IGSF11: variants seen among roughly 807,000 people sequenced by gnomAD.
IGSF11 encodes the protein CXADR like 1.
A neutral mutation model predicts 41.0 loss-of-function variants in IGSF11; 22 were observed. The ratio of observed to expected loss-of-function variants is 0.54; its 90% CI spans 0.38 to 0.77. The LOEUF (loss-of-function observed/expected upper bound fraction) is 0.77. IGSF11 is among the 30% of genes least tolerant of loss of function. The pLI, the probability that IGSF11 is intolerant of heterozygous loss-of-function variation, is 0.00. For synonymous variants in IGSF11, 219 were observed against 201.3 expected, an observed-to-expected ratio of 1.09 and a Z score of -0.74; for missense variants, 444 against 530.8, an observed-to-expected ratio of 0.84 and a Z score of 1.61.
chr3:119,120,476 A>G (rs369674208), intron 1 of IGSF11, among the ~76,000 whole-genome samples: 3 of 152,324 alleles, frequency 2.0e-5, no homozygotes, highest in African/African-American at 7.2e-5. Context: ...GAGAGAAAAA[A>G]GGTTTCCTCA....
intron 1 of IGSF11, among the ~76,000 whole-genome samples, chr3:119,047,651 T>G (rs12485541): frequency 0.011 from 1,735 of 151,930 alleles, 28 homozygotes; most frequent in East Asian, 0.073. Context: ...GAGGACGTAA[T>G]AGACATCTAC....
intron 1 of IGSF11, among the ~76,000 whole-genome samples, chr3:119,084,614 G>T (rs1293074263): frequency 6.6e-6 from 1 of 152,182 alleles, no homozygotes; most frequent in Admixed American, 6.5e-5. Flanking sequence ...TTCTACATGG[G>T]ACTGGGGCAC....
intron 1 of IGSF11, among the ~76,000 whole-genome samples, chr3:118,977,664 G>T (rs780124118): frequency 1.3e-5 from 2 of 152,130 alleles, no homozygotes; most frequent in Non-Finnish European, 2.9e-5. Flanking sequence ...ACGGGTGAGA[G>T]ACCCCAGTGG....
rs1030671469 is a variant in IGSF11 at position 118,901,493 on chromosome 3, G to A, written c.*1027C>T. On this transcript the variant is annotated 3_prime_UTR_variant, in exon 7 of 7. Transcript: ENST00000393775. ...CTTCTACTTGTCAAATAAGGAGAAA[G>A]TTACATACCTCAGTACAAAAGGCAT... The A allele has an allele frequency of 3.3e-5, 5 of 152,138 alleles. No homozygotes were observed. The highest frequency in any genetic ancestry group is 1.2e-4 in the African/African-American group (5 of 41,418). 9.4% of individuals were successfully genotyped at this position (152,138 alleles called of 1,614,324 possible). A position where few individuals can be genotyped will look rare whatever the true frequency, so the allele number is the denominator to read the frequency against.
At chr3:119,041,174 A>G (rs940297839) in intron 1 of IGSF11, among the ~76,000 whole-genome samples, 1 of 152,262 alleles carries the variant, frequency 6.6e-6, no homozygotes, top group Admixed American at 6.5e-5. Flanking sequence ...TTTAACAAAT[A>G]TATAATACAG....
chr3:119,076,458 A>G (rs1161577495), intron 1 of IGSF11, among the ~76,000 whole-genome samples: 3 of 152,236 alleles, frequency 2.0e-5, no homozygotes, highest in African/African-American at 7.2e-5. Flanking sequence ...AGAAACTACC[A>G]TCAGAGTGAA....
chr3:118,984,498 G>T, intron 1 of IGSF11, among the ~76,000 whole-genome samples: 1 of 152,144 alleles, frequency 6.6e-6, no homozygotes, highest in Non-Finnish European at 1.5e-5. Flanking sequence ...AGGGTATAGT[G>T]ATTGGATCTG....
chr3:118,910,599 T>C (rs1244027357), intron 4 of IGSF11, among the ~76,000 whole-genome samples: 1 of 152,192 alleles, frequency 6.6e-6, no homozygotes, highest in Non-Finnish European at 1.5e-5. Flanking sequence ...GGTGATCTCT[T>C]GTTTATAAAT....
At chr3:119,046,326 C>G (rs1941351267) in intron 1 of IGSF11, among the ~76,000 whole-genome samples, 1 of 151,824 alleles carries the variant, frequency 6.6e-6, no homozygotes. Flanking sequence ...AAAACCAAGG[C>G]TCGAGAACTA....
At chr3:119,103,759 C>A (rs2107508628) in intron 1 of IGSF11, among the ~76,000 whole-genome samples, 1 of 152,200 alleles carries the variant, frequency 6.6e-6, no homozygotes, top group Admixed American at 6.5e-5. Context: ...TCATTCCTAC[C>A]AATCCTGCTT....
At position 118,926,267 on chromosome 3, in the gene IGSF11, A is replaced by C. The variant is rs1206142202; in HGVS notation, c.425-11T>G. On this transcript the variant is annotated splice_polypyrimidine_tract_variant and intron_variant, in intron 3 of 6. Coordinates refer to ENST00000393775, the MANE Select transcript of IGSF11 (RefSeq NM_001015887.3). ...GGGCAGAAGGGGGAACTATAACAGG[A>C]AGAATAAGCAATAAAGTACACATTT... is the stretch of plus-strand genomic sequence containing the variant. 6.4e-7 allele frequency: 1 copy of C among 1,572,200 alleles called. No individual in the cohort carries two copies. Among genetic ancestry groups the C allele is most frequent in the Non-Finnish European group, 8.7e-7 (1 of 1,153,592 alleles).
intron 4 of IGSF11, among the ~76,000 whole-genome samples, chr3:118,924,970 G>C (rs893446104): frequency 3.3e-5 from 5 of 152,264 alleles, no homozygotes; most frequent in African/African-American, 1.2e-4. Context: ...ACAATGGTGA[G>C]ATTGACAAAT....
chr3:119,008,378 C>G (rs2107688637), intron 1 of IGSF11, among the ~76,000 whole-genome samples: 1 of 152,246 alleles, frequency 6.6e-6, no homozygotes, highest in South Asian at 2.1e-4. Flanking sequence ...ACTGTGGAAG[C>G]TTTTCAGGAA....
chr3:119,007,656 C>G lies in IGSF11; in HGVS notation c.52+26875G>C, dbSNP rs948593172. ...CCCTTCTCTCCAACACCACAGAAAG[C>G]AGGGTAAGCCCCATCCTTGCTTTAA... On this transcript the variant is annotated intron_variant, in intron 1 of 6. Transcript: ENST00000393775. Among the ~76,000 whole-genome samples, 27 of 152,138 alleles carry G rather than the reference C, an allele frequency of 1.8e-4. 1 individual carries two copies. Among genetic ancestry groups the G allele is most frequent in the African/African-American group, 6.3e-4 (26 of 41,428 alleles).
intron 1 of IGSF11, among the ~76,000 whole-genome samples, chr3:119,043,027 G>A (rs1016336646): frequency 3.3e-5 from 5 of 152,162 alleles, no homozygotes; most frequent in African/African-American, 4.8e-5. Flanking sequence ...TGGCTCATGT[G>A]GTGAGTGTTA....
chr3:118,943,939 G>A (rs1205995071), intron 1 of IGSF11, among the ~76,000 whole-genome samples: 1 of 152,188 alleles, frequency 6.6e-6, no homozygotes, highest in Non-Finnish European at 1.5e-5. Flanking sequence ...AACAAGTAGA[G>A]TTATTTATGA....
upstream of IGSF11, among the ~76,000 whole-genome samples, chr3:119,109,332 C>G (rs980724629): frequency 6.6e-6 from 1 of 151,622 alleles, no homozygotes; most frequent in East Asian, 1.9e-4. Flanking sequence ...GTGTATGTGT[C>G]GAGGAATTTA....
intron 1 of IGSF11, among the ~76,000 whole-genome samples, chr3:118,989,837 T>TCTATA (rs1417433504): frequency 6.6e-6 from 1 of 152,226 alleles, no homozygotes; most frequent in African/African-American, 2.4e-5. Flanking sequence ...AGTACTATTT[T>TCTATA]CTATACTATA....
chr3:118,999,203 C>CT (rs1037656739), intron 1 of IGSF11, among the ~76,000 whole-genome samples: 17 of 151,960 alleles, frequency 1.1e-4, no homozygotes, highest in Admixed American at 7.2e-4. Context: ...AAATATCTTA[C>CT]TTTTTTTGAA....
Sources: gnomAD v4.1 joint callset for allele counts (sites outside exome capture counted in the v4.1 genomes callset) on GRCh38, gnomAD v4.1.1 for gene constraint, MANE v1.5 for transcripts, NCBI Gene and HGNC (gene_info 2026-07-23, HGNC 2026-07-21) for gene names.